ZNF492: variants seen among roughly 807,000 people sequenced by gnomAD.
ZNF492 encodes zinc finger protein 492.
Under a neutral mutation model 6.4 loss-of-function variants are expected in ZNF492, and 3 were observed. The observed-to-expected ratio is 0.47, with a 90% CI of 0.21 to 1.22. The LOEUF (loss-of-function observed/expected upper bound fraction) is 1.22. Ranked by LOEUF, ZNF492 falls within the 50% of genes most tolerant of loss-of-function variation. The pLI is 0.22. For missense variants in ZNF492, 356 were observed against 612.5 expected, an observed-to-expected ratio of 0.58 and a Z score of 4.42; for synonymous variants, 112 against 205.3, an observed-to-expected ratio of 0.55 and a Z score of 3.89.
intron 1 of ZNF492, among the ~76,000 whole-genome samples, chr19:22,644,014 C>T (rs1971853607): frequency 6.6e-6 from 1 of 152,100 alleles, no homozygotes. Context: ...TGTAGAGCAG[C>T]TCATTGTTGC....
At chr19:22,642,393 T>TC (rs1971836583) in intron 1 of ZNF492, among the ~76,000 whole-genome samples, 1 of 126,706 alleles carries the variant, frequency 7.9e-6, no homozygotes, top group Non-Finnish European at 1.6e-5. Context: ...TCTTTTTTTT[T>TC]TTTTTTTTTT....
chr19:22,651,590 C>G (rs1342382341), intron 1 of ZNF492, among the ~76,000 whole-genome samples: 1 of 151,916 alleles, frequency 6.6e-6, no homozygotes. Context: ...TTCTCAACAT[C>G]ATGGCTTCTT....
chr19:22,655,297 A>G (rs987413647), intron 3 of ZNF492, among the ~76,000 whole-genome samples: 4 of 151,820 alleles, frequency 2.6e-5, no homozygotes, highest in Non-Finnish European at 5.9e-5. Context: ...TCCATCTCAA[A>G]AAAAAAAAAA....
At chr19:22,660,407 T>A (rs1004773768) in intron 3 of ZNF492, among the ~76,000 whole-genome samples, 1 of 151,810 alleles carries the variant, frequency 6.6e-6, no homozygotes, top group African/African-American at 2.4e-5. Flanking sequence ...TTTTGTATAT[T>A]TGTACAGATT....
chr19:22,662,667 C>T (rs1972070751), intron 3 of ZNF492, among the ~76,000 whole-genome samples: 1 of 151,432 alleles, frequency 6.6e-6, no homozygotes, highest in African/African-American at 2.4e-5. Flanking sequence ...TTTTGATTTG[C>T]ATTTCTCGGA....
intron 1 of ZNF492, among the ~76,000 whole-genome samples, chr19:22,643,241 T>A (rs1161616864): frequency 1.3e-5 from 2 of 152,014 alleles, no homozygotes; most frequent in Non-Finnish European, 2.9e-5. Context: ...GTCACTGCAC[T>A]CCAGCCTGGG....
intron 3 of ZNF492, among the ~76,000 whole-genome samples, chr19:22,662,577 A>G (rs1344483938): frequency 6.6e-6 from 1 of 151,930 alleles, no homozygotes; most frequent in Non-Finnish European, 1.5e-5. Flanking sequence ...CTATTTCTCC[A>G]CATCCTCTCC....
chr19:22,637,497 T>A (rs962777910), intron 1 of ZNF492, among the ~76,000 whole-genome samples: 20 of 152,084 alleles, frequency 1.3e-4, no homozygotes, highest in African/African-American at 4.8e-4. Flanking sequence ...GGTCTTGACA[T>A]GTTGCCCTGG....
At chr19:22,651,685 G>T (rs1313722119) in intron 1 of ZNF492, among the ~76,000 whole-genome samples, 1 of 152,042 alleles carries the variant, frequency 6.6e-6, no homozygotes, top group African/African-American at 2.4e-5. Flanking sequence ...ATGGGAAGGT[G>T]TAGATACTCA....
At chr19:22,653,093 C>A (rs1264959340) in intron 1 of ZNF492, among the ~76,000 whole-genome samples, 8 of 150,564 alleles carry the variant, frequency 5.3e-5, no homozygotes, top group Admixed American at 5.3e-4. Context: ...ATCATACTTA[C>A]CTCGATGTTG....
At position 22,654,204 on chromosome 19, in the gene ZNF492, G is replaced by A. The variant is rs550888245; in HGVS notation, c.130+189G>A. Among the ~76,000 whole-genome samples the A allele has an allele frequency of 6.0e-3, 915 of 152,178 alleles. 5 individuals carry two copies. Among genetic ancestry groups the A allele is most frequent in the Non-Finnish European group, 0.011 (720 of 68,006 alleles). On this transcript the variant is annotated intron_variant, in intron 3 of 3. Coordinates refer to ENST00000456783, the MANE Select transcript of ZNF492 (RefSeq NM_020855.3). ...TCTGTCTTATATTTTTAAAATCTCTGAAGATTTTACTTTCCCTTTGGTGAT... is the reference window on the plus strand; with the variant it reads ...TCTGTCTTATATTTTTAAAATCTCTAAAGATTTTACTTTCCCTTTGGTGAT...
chr19:22,636,509 A>T (rs1172816075), intron 1 of ZNF492, among the ~76,000 whole-genome samples: 64 of 105,714 alleles, frequency 6.1e-4, no homozygotes, highest in South Asian at 1.2e-3. Flanking sequence ...AAAGGACATG[A>T]TCTTCTGTGT....
chr19:22,648,525 C>T (rs56271774), intron 1 of ZNF492, among the ~76,000 whole-genome samples: 29,469 of 151,996 alleles, frequency 0.19, 3,723 homozygotes, highest in African/African-American at 0.37. Flanking sequence ...CTTGTTGATC[C>T]GTCTAATATT....
At chr19:22,652,469 C>CT (rs1374416056) in intron 1 of ZNF492, among the ~76,000 whole-genome samples, 2 of 151,670 alleles carry the variant, frequency 1.3e-5, no homozygotes, top group African/African-American at 4.9e-5. Context: ...AACACACAGG[C>CT]TTTTCCACTT....
At chr19:22,662,795 T>G (rs1333264273) in intron 3 of ZNF492, among the ~76,000 whole-genome samples, 5 of 151,716 alleles carry the variant, frequency 3.3e-5, no homozygotes. Context: ...GTTTTTTTCT[T>G]GTAAATTTGT....
At chr19:22,653,218 C>A in intron 1 of ZNF492, 89 bp from the exon 2 acceptor site, 2 of 1,460,142 alleles carry the variant, frequency 1.4e-6, no homozygotes, top group Non-Finnish European at 1.9e-6. Flanking sequence ...AGAACCAGTT[C>A]TCTTTACTCT....
intron 3 of ZNF492, among the ~76,000 whole-genome samples, chr19:22,662,006 C>T (rs1183900869): frequency 6.6e-6 from 1 of 152,088 alleles, no homozygotes; most frequent in Non-Finnish European, 1.5e-5. Flanking sequence ...TACTTTAAGT[C>T]CTAGGGTACA....
At chr19:22,641,847 G>A (rs1971827982) in intron 1 of ZNF492, among the ~76,000 whole-genome samples, 1 of 152,094 alleles carries the variant, frequency 6.6e-6, no homozygotes, top group African/African-American at 2.4e-5. Flanking sequence ...AGGCTGGAGT[G>A]CAGTGGGGCG....
At chr19:22,637,931 A>G (rs778886000) in intron 1 of ZNF492, among the ~76,000 whole-genome samples, 1 of 152,146 alleles carries the variant, frequency 6.6e-6, no homozygotes, top group Non-Finnish European at 1.5e-5. Context: ...GGATGAGATG[A>G]TATTTCATTG....
Sources: allele counts gnomAD v4.1 joint callset (sites outside exome capture counted in the v4.1 genomes callset), GRCh38; gene constraint gnomAD v4.1.1; transcripts MANE v1.5; gene names NCBI Gene and HGNC (gene_info 2026-07-23, HGNC 2026-07-21).